Variants in DMRT1 observed in about 807,000 individuals in gnomAD.
DMRT1 encodes doublesex- and mab-3-related transcription factor 1.
Under a neutral mutation model 32.3 loss-of-function variants are expected in DMRT1, and 7 were observed. The observed-to-expected ratio is 0.22, with a 90% CI of 0.12 to 0.41. DMRT1 has a LOEUF of 0.41. DMRT1 is among the 10% of genes least tolerant of loss of function. The pLI, the probability that DMRT1 is intolerant of heterozygous loss-of-function variation, is 1.00. For synonymous variants in DMRT1, 278 were observed against 206.1 expected (o/e 1.35, Z -2.99); for missense variants, 625 against 500.5 (o/e 1.25, Z -2.37).
intron 4 of DMRT1, among the ~76,000 whole-genome samples, chr9:934,523 C>G (rs1818824314): frequency 6.6e-6 from 1 of 151,962 alleles, no homozygotes; most frequent in East Asian, 1.9e-4. Context: ...AAAATGAGAC[C>G]CTGTCTCAAA....
At position 929,302 on chromosome 9, in the gene DMRT1, T is replaced by A. The variant is rs192484622; in HGVS notation, c.967+12395T>A. Among the ~76,000 whole-genome samples, 319 of 152,232 alleles carry A rather than the reference T, an allele frequency of 2.1e-3. 2 individuals are homozygous for A. Among genetic ancestry groups the A allele is most frequent in the African/African-American group, 7.5e-3 (310 of 41,542 alleles). On this transcript the variant is annotated intron_variant, in intron 4 of 4. Transcript: ENST00000382276. ...AGTAATTTTAAGGGTGGTTTCAGTT[T>A]TTTTCTTTTTTTGAGATGAGGATCT... is the stretch of plus-strand genomic sequence containing the variant.
intron 4 of DMRT1, among the ~76,000 whole-genome samples, chr9:917,701 T>C (rs1490859568): frequency 6.6e-6 from 1 of 152,250 alleles, no homozygotes; most frequent in Non-Finnish European, 1.5e-5. Context: ...TATGTTCATT[T>C]TCTAAGTAAC....
intron 3 of DMRT1, among the ~76,000 whole-genome samples, chr9:907,280 T>C (rs897668355): frequency 6.6e-6 from 1 of 152,242 alleles, no homozygotes; most frequent in African/African-American, 2.4e-5. Flanking sequence ...GTTGCTTTTA[T>C]GTAAATGGTA....
At chr9:908,591 T>C (rs1164351731) in intron 3 of DMRT1, among the ~76,000 whole-genome samples, 1 of 152,216 alleles carries the variant, frequency 6.6e-6, no homozygotes, top group East Asian at 1.9e-4. Flanking sequence ...GAGTTGTTTG[T>C]TTTTTTATGG....
At chr9:901,329 G>A (rs1817565151) in intron 3 of DMRT1, among the ~76,000 whole-genome samples, 1 of 150,492 alleles carries the variant, frequency 6.6e-6, no homozygotes, top group South Asian at 2.1e-4. Flanking sequence ...TTTTTTGTGT[G>A]TTTGTTTTTT....
At chr9:881,702 T>A (rs1816742069) in intron 2 of DMRT1, among the ~76,000 whole-genome samples, 1 of 152,214 alleles carries the variant, frequency 6.6e-6, no homozygotes, top group Non-Finnish European at 1.5e-5. Context: ...ACATCCTCAG[T>A]GTACGAAATA....
intron 4 of DMRT1, among the ~76,000 whole-genome samples, chr9:925,376 T>A (rs1007690464): frequency 2.6e-5 from 4 of 152,202 alleles, no homozygotes; most frequent in African/African-American, 9.6e-5. Flanking sequence ...ATTTATGCCA[T>A]GTAGAATCTT....
intron 4 of DMRT1, among the ~76,000 whole-genome samples, chr9:936,193 T>C (rs1367655335): frequency 2.6e-5 from 4 of 152,238 alleles, no homozygotes; most frequent in Non-Finnish European, 5.9e-5. Flanking sequence ...GTGTGTTGCT[T>C]GATACTTATT....
At position 873,754 on chromosome 9, in the gene DMRT1, A is replaced by G. The variant is rs148117838; in HGVS notation, c.539-20158A>G. Reference sequence around the variant, plus strand: ...GAAAGGTGTTTTAATAACTGGGGGAATGGCCTTCTAATACCTTTTAAGTAT... The same window carrying G: ...GAAAGGTGTTTTAATAACTGGGGGAGTGGCCTTCTAATACCTTTTAAGTAT... On this transcript the variant is annotated intron_variant, in intron 2 of 4. Transcript: ENST00000382276. Among the ~76,000 whole-genome samples, 852 of 152,326 alleles carry G rather than the reference A, an allele frequency of 5.6e-3. 5 individuals are homozygous for G. The highest frequency in any genetic ancestry group is 0.019 in the African/African-American group (807 of 41,578).
chr9:929,532 C>T lies in DMRT1; in HGVS notation c.967+12625C>T, dbSNP rs986620866. On this transcript the variant is annotated intron_variant, in intron 4 of 4. Coordinates refer to ENST00000382276, the MANE Select transcript of DMRT1 (RefSeq NM_021951.3). ...TGTAGTTTATCCTTGAACATATTAA[C>T]ATATTATTTCTCCTTCTGCTTGGGT... Among the ~76,000 whole-genome samples, 3 of 152,024 alleles carry T rather than the reference C, an allele frequency of 2.0e-5. No individual in the cohort carries two copies. In the East Asian group the frequency reaches 5.8e-4, roughly 29 times the overall value.
intron 2 of DMRT1, among the ~76,000 whole-genome samples, chr9:848,780 TC>T (rs779043111): frequency 2.2e-4 from 33 of 148,616 alleles, no homozygotes; most frequent in Non-Finnish European, 4.5e-4. Flanking sequence ...GCCTTGAACT[TC>T]TGACCTCAAG....
chr9:901,929 T>C (rs976115707), intron 3 of DMRT1, among the ~76,000 whole-genome samples: 1 of 114,056 alleles, frequency 8.8e-6, no homozygotes, highest in Non-Finnish European at 2.1e-5. Context: ...TTTTTTTTTT[T>C]TGAGACAGAG....
intron 2 of DMRT1, among the ~76,000 whole-genome samples, chr9:871,088 T>C (rs1816227760): frequency 6.6e-6 from 1 of 152,024 alleles, no homozygotes; most frequent in Non-Finnish European, 1.5e-5. Flanking sequence ...CAGGCTGGAG[T>C]GCAATGGGGC....
chr9:869,239 C>G (rs570644183), intron 2 of DMRT1, among the ~76,000 whole-genome samples: 1 of 152,110 alleles, frequency 6.6e-6, no homozygotes, highest in African/African-American at 2.4e-5. Context: ...CTCTTCCTCC[C>G]CTTTCCCTAT....
intron 2 of DMRT1, among the ~76,000 whole-genome samples, chr9:892,852 G>T (rs1817206350): frequency 6.6e-6 from 1 of 151,936 alleles, no homozygotes; most frequent in Admixed American, 6.6e-5. Context: ...TCACTTCCCT[G>T]CCCATCATTC....
At chr9:859,071 C>T (rs1284614305) in intron 2 of DMRT1, among the ~76,000 whole-genome samples, 1 of 152,042 alleles carries the variant, frequency 6.6e-6, no homozygotes, top group Non-Finnish European at 1.5e-5. Flanking sequence ...AGGCCAGTCT[C>T]TTATGCAAGC....
chr9:941,029 CAA>C (rs1327655382), intron 4 of DMRT1, among the ~76,000 whole-genome samples: 1 of 152,106 alleles, frequency 6.6e-6, no homozygotes, highest in African/African-American at 2.4e-5. Flanking sequence ...AAAACAATGA[CAA>C]ATGTTGACAA....
At position 960,353 on chromosome 9, in the gene DMRT1, C is replaced by T. The variant is rs547295082; in HGVS notation, c.968-7632C>T. 2.0e-5 allele frequency among the ~76,000 whole-genome samples: 3 copies of T among 152,204 alleles called. No individual in the cohort carries two copies. The South Asian group carries it at 6.2e-4, about 32-fold the overall frequency. ...TGTTGGGTGTGTTGTCACTTTTTTT[C>T]CTTTCTCAACCAATGTTTAATAAAA... On this transcript the variant is annotated intron_variant, in intron 4 of 4. Transcript: ENST00000382276.
chr9:868,517 C>G (rs892322203), intron 2 of DMRT1, among the ~76,000 whole-genome samples: 3 of 152,154 alleles, frequency 2.0e-5, no homozygotes, highest in African/African-American at 7.2e-5. Flanking sequence ...ATCAAAAGGC[C>G]TGGGTTTCAA....
Sources: gnomAD v4.1 joint callset for allele counts (sites outside exome capture counted in the v4.1 genomes callset) on GRCh38, gnomAD v4.1.1 for gene constraint, MANE v1.5 for transcripts, NCBI Gene and HGNC (gene_info 2026-07-23, HGNC 2026-07-21) for gene names.